AHNAK: variants seen among roughly 807,000 people sequenced by gnomAD.
The protein encoded by AHNAK is neuroblast differentiation-associated protein AHNAK.
Under a neutral mutation model 37.8 loss-of-function variants are expected in AHNAK, and 23 were observed. That is an observed-to-expected ratio of 0.61 (90% CI 0.44 to 0.86). AHNAK has a LOEUF of 0.86. AHNAK is among the 40% of genes least tolerant of loss of function. AHNAK has a pLI of 0.00. For synonymous variants in AHNAK, 2,481 were observed against 2,636.3 expected, an observed-to-expected ratio of 0.94 and a Z score of 1.80; for missense variants, 7,411 against 7,319.4, an observed-to-expected ratio of 1.01 and a Z score of -0.46.
At chr11:62,543,178 C>G (rs1481157102) in intron 1 of AHNAK, among the ~76,000 whole-genome samples, 1 of 152,212 alleles carries the variant, frequency 6.6e-6, no homozygotes. Flanking sequence ...ACCCCCAAGG[C>G]TGTCCTCAAC....
intron 4 of AHNAK, among the ~76,000 whole-genome samples, chr11:62,510,516 G>A (rs1254716976): frequency 6.6e-6 from 1 of 151,962 alleles, no homozygotes; most frequent in Non-Finnish European, 1.5e-5. Context: ...GGCCAAGGCA[G>A]GTGGATTACC....
Position 62,519,156 on chromosome 11 carries a change from T to C in AHNAK, c.15261A>G (p.Lys5087=). 1 of 1,613,714 alleles carries C rather than the reference T, an allele frequency of 6.2e-7. No homozygotes were observed. Among genetic ancestry groups the C allele is most frequent in the East Asian group, 2.2e-5 (1 of 44,880 alleles). ...CAAACTCTACATCTGGGAAGTACAT[T>C]TTTCCAAACATCGTTTTCTTGGTTT... The part of the protein sequence containing the change: ...SPKTKKTMFG[K]MYFPDVEFDI... Residue 5087 remains lysine (K), a synonymous_variant, in exon 5 of 5, where the codon AAA becomes AAG. Coordinates refer to ENST00000378024, the MANE Select transcript of AHNAK (RefSeq NM_001620.3).
In AHNAK at chr11:62,534,935, G is replaced by A. The variant is rs1208073849; in HGVS notation, c.342+68C>T. ...GGTCCGGAGGCACATGGAAGGCTCA[G>A]GAGTGGGGTCAGCAGGCCGGCATGG... On this transcript the variant is annotated intron_variant, in intron 4 of 4. Coordinates refer to ENST00000378024, the MANE Select transcript of AHNAK (RefSeq NM_001620.3). The A allele has an allele frequency of 3.2e-6, 5 of 1,540,428 alleles. No homozygotes were observed. In the South Asian group the frequency reaches 5.9e-5, roughly 18 times the overall value.
intron 5 of AHNAK, among the ~76,000 whole-genome samples, chr11:62,444,138 C>T (rs968459163): frequency 2.8e-4 from 43 of 152,338 alleles, no homozygotes; most frequent in African/African-American, 9.4e-4. Context: ...TCCACCCACC[C>T]GGCCTCGTAA....
chr11:62,469,401 C>A (rs1168624767), intron 5 of AHNAK, among the ~76,000 whole-genome samples: 1 of 149,868 alleles, frequency 6.7e-6, no homozygotes, highest in African/African-American at 2.5e-5. Flanking sequence ...GGATTACAGG[C>A]GTGAACTACT....
At chr11:62,540,851 TCA>T (rs1217543484) in intron 1 of AHNAK, among the ~76,000 whole-genome samples, 2 of 152,078 alleles carry the variant, frequency 1.3e-5, no homozygotes, top group African/African-American at 4.8e-5. Context: ...GCCCATCCTG[TCA>T]CTTCAAAACT....
chr11:62,486,443 A>C (rs1191136507), intron 5 of AHNAK, among the ~76,000 whole-genome samples: 1 of 151,712 alleles, frequency 6.6e-6, no homozygotes, highest in Non-Finnish European at 1.5e-5. Context: ...ATTTTACTCC[A>C]GCCTGGGCAA....
chr11:62,515,815 ATGGATCCGGTCTGAACACTCACAGC>A (rs72264906), downstream of AHNAK: 6,362 of 949,666 alleles, frequency 6.7e-3, 293 homozygotes, highest in African/African-American at 0.1. Context: ...ATGCCACCAG[ATGGATCCGGTCTGAACACTCACAGC>A]TGGCTGTGCA....
intron 4 of AHNAK, among the ~76,000 whole-genome samples, chr11:62,498,668 T>A (rs920844733): frequency 1.3e-5 from 2 of 151,498 alleles, no homozygotes; most frequent in African/African-American, 4.9e-5. Context: ...TAAGAGCTAC[T>A]CAGAAAGCTG....
Position 62,525,432 on chromosome 11 carries a change from A to G in AHNAK, c.8985T>C (p.Pro2995=). Residue 2995 remains proline (P), a synonymous_variant, in exon 5 of 5, where the codon CCT becomes CCC. Coordinates refer to ENST00000378024, the MANE Select transcript of AHNAK (RefSeq NM_001620.3). ...CTTGGGGACCCCTGATGTCAACTTC[A>G]GGGCCCTTGAGGTCACCTTCCACTT... The part of the protein sequence containing the change: ...LPKVEGDLKG[P]EVDIRGPQVD... 1 of 1,613,308 alleles carries G rather than the reference A, an allele frequency of 6.2e-7. No individual in the cohort carries two copies.
intron 5 of AHNAK, among the ~76,000 whole-genome samples, chr11:62,434,486 T>A (rs1202411464): frequency 6.6e-6 from 1 of 152,062 alleles, no homozygotes; most frequent in Non-Finnish European, 1.5e-5. Flanking sequence ...CTCATCCCCA[T>A]CGGACTCCCA....
At chr11:62,449,487 G>T (rs1428590152) in intron 5 of AHNAK, among the ~76,000 whole-genome samples, 1 of 152,162 alleles carries the variant, frequency 6.6e-6, no homozygotes, top group Non-Finnish European at 1.5e-5. Context: ...CTGGAGAGGG[G>T]CCAGCGACCA....
At chr11:62,513,345 G>T (rs1481787017), downstream of AHNAK, among the ~76,000 whole-genome samples, 1 of 152,172 alleles carries the variant, frequency 6.6e-6, no homozygotes, top group Non-Finnish European at 1.5e-5. Flanking sequence ...GACCAGCATG[G>T]CCAACATGGC....
intron 4 of AHNAK, among the ~76,000 whole-genome samples, chr11:62,503,601 GA>G (rs928644501): frequency 3.3e-5 from 5 of 150,226 alleles, no homozygotes; most frequent in East Asian, 1.9e-4. Context: ...AAAAGAAAAA[GA>G]AAAAAAAAGT....
At chr11:62,445,823 C>A (rs925550311) in intron 5 of AHNAK, among the ~76,000 whole-genome samples, 2 of 152,058 alleles carry the variant, frequency 1.3e-5, no homozygotes, top group African/African-American at 4.8e-5. Flanking sequence ...TCCCGACCAA[C>A]CTGGCCAACA....
intron 1 of AHNAK, among the ~76,000 whole-genome samples, chr11:62,537,946 TG>T (rs1941004349): frequency 6.6e-6 from 1 of 152,040 alleles, no homozygotes; most frequent in African/African-American, 2.4e-5. Context: ...CCTCCCAAAG[TG>T]CTGGGATTAC....
At chr11:62,511,070 G>T (rs960621174), downstream of AHNAK, among the ~76,000 whole-genome samples, 1 of 152,146 alleles carries the variant, frequency 6.6e-6, no homozygotes, top group African/African-American at 2.4e-5. Flanking sequence ...CATGGGTGAT[G>T]CACTTTTGCT....
Position 62,529,517 on chromosome 11 carries a change from C to A in AHNAK, c.4900G>T (p.Gly1634Trp). The change falls in exon 5 of 5, where the codon GGG becomes TGG. Residue 1634 changes from glycine to tryptophan, a missense_variant. Transcript: ENST00000378024. The part of the protein sequence containing the change: ...VGDIDIEGPE[G>W]KLKGPKFKMP... ...TTAAACTTGGGGCCCTTCAACTTCC[C>A]TTCTGGACCTTCAATATCAATATCA... 1 of 1,614,136 alleles carries A rather than the reference C, an allele frequency of 6.2e-7. No homozygotes were observed.
At chr11:62,446,868 T>G (rs1938431114) in intron 5 of AHNAK, among the ~76,000 whole-genome samples, 2 of 151,970 alleles carry the variant, frequency 1.3e-5, no homozygotes, top group South Asian at 4.2e-4. Flanking sequence ...CCTATAAACA[T>G]CAAGTCTCCC....
Sources: gnomAD v4.1 joint callset for allele counts (sites outside exome capture counted in the v4.1 genomes callset) on GRCh38, gnomAD v4.1.1 for gene constraint, MANE v1.5 for transcripts, NCBI Gene and HGNC (gene_info 2026-07-23, HGNC 2026-07-21) for gene names.